STPG4: variants seen among roughly 807,000 people sequenced by gnomAD.
The protein encoded by STPG4 is sperm-tail PG-rich repeat containing 4.
Under a neutral mutation model 31.5 loss-of-function variants are expected in STPG4, and 41 were observed. The observed-to-expected ratio is 1.30, with a 90% CI of 1.01 to 1.69. STPG4 has a LOEUF of 1.69. STPG4 is among the 40% of genes most tolerant of loss of function. The pLI, the probability that STPG4 is intolerant of heterozygous loss-of-function variation, is 0.00. For missense variants in STPG4, 375 were observed against 293.4 expected (o/e 1.28, Z -2.03); for synonymous variants, 141 against 103.0 (o/e 1.37, Z -2.24).
intron 5 of STPG4, among the ~76,000 whole-genome samples, chr2:47,113,753 G>C (rs1233633884): frequency 6.6e-6 from 1 of 152,154 alleles, no homozygotes; most frequent in Non-Finnish European, 1.5e-5. Flanking sequence ...CCCAAATTTA[G>C]GCCGGGCGCA....
chr2:47,108,582 AT>A, intron 5 of STPG4: 1 of 170,602 alleles, frequency 5.9e-6, no homozygotes, highest in East Asian at 1.7e-4. Context: ...TTCCGGACAC[AT>A]TTTCATGCCT....
chr2:47,093,814 G>T (rs183299253), intron 5 of STPG4, among the ~76,000 whole-genome samples: 1 of 152,206 alleles, frequency 6.6e-6, no homozygotes, highest in Non-Finnish European at 1.5e-5. Context: ...TGAGGAAGTG[G>T]ATATAAGCCC....
At chr2:47,094,316 A>G (rs1244679642) in intron 5 of STPG4, among the ~76,000 whole-genome samples, 2 of 152,242 alleles carry the variant, frequency 1.3e-5, no homozygotes, top group African/African-American at 4.8e-5. Context: ...GGGAGAACAG[A>G]ATAGTCACCT....
chr2:47,117,684 C>T (rs1686179469), intron 5 of STPG4, among the ~76,000 whole-genome samples: 3 of 152,168 alleles, frequency 2.0e-5, no homozygotes, highest in Non-Finnish European at 4.4e-5. Flanking sequence ...ACTATCCCTG[C>T]CCTGTTGAAG....
In STPG4 at chr2:47,117,485, A is replaced by G. The variant is rs138451791; in HGVS notation, c.519+12456T>C. Among the ~76,000 whole-genome samples the G allele has an allele frequency of 7.3e-3, 1,114 of 152,334 alleles. 14 individuals carry two copies. Among genetic ancestry groups the G allele is most frequent in the African/African-American group, 0.026 (1,069 of 41,572 alleles). Reference sequence around the variant, plus strand: ...CGGCCTCCTAAAGTGCTGGGATAACAGGCATGAGCCACCATGCCCGGCCCA... The same window carrying G: ...CGGCCTCCTAAAGTGCTGGGATAACGGGCATGAGCCACCATGCCCGGCCCA... On this transcript the variant is annotated intron_variant, in intron 5 of 6. Coordinates refer to ENST00000445927, the MANE Select transcript of STPG4 (RefSeq NM_001163561.2).
intron 3 of STPG4, among the ~76,000 whole-genome samples, chr2:47,131,241 C>G (rs1412228265): frequency 6.6e-6 from 1 of 152,142 alleles, no homozygotes; most frequent in Non-Finnish European, 1.5e-5. Flanking sequence ...ATCCTCCCAC[C>G]TCAGTCTCCC....
intron 5 of STPG4, among the ~76,000 whole-genome samples, chr2:47,114,693 C>T (rs1686110392): frequency 6.6e-6 from 1 of 152,166 alleles, no homozygotes; most frequent in African/African-American, 2.4e-5. Flanking sequence ...AATATCCCTT[C>T]CTGCAGACAG....
chr2:47,094,149 G>A (rs904841655), intron 5 of STPG4, among the ~76,000 whole-genome samples: 2 of 152,182 alleles, frequency 1.3e-5, no homozygotes, highest in Admixed American at 1.3e-4. Context: ...CGTGTGCAGA[G>A]GGAGGCCTCG....
chr2:47,101,307 C>T (rs994683739), intron 5 of STPG4, among the ~76,000 whole-genome samples: 18 of 151,698 alleles, frequency 1.2e-4, no homozygotes, highest in African/African-American at 3.9e-4. Context: ...TTTTCCTGTA[C>T]TTCTGGGCTG....
Position 47,129,981 on chromosome 2 carries a change from C to G in STPG4, c.479G>C (p.Arg160Pro). 6.4e-7 allele frequency: 1 copy of G among 1,573,994 alleles called. No individual in the cohort carries two copies. ...PKYASRSCVFRSTVQRFPTTY... is the reference protein window; with the variant it reads ...PKYASRSCVFPSTVQRFPTTY... ...TGTTGGGAATCTTTGAACTGTTGAGCGAAATACACAGCTCCTATATTTCAA... is the reference window on the plus strand; with the variant it reads ...TGTTGGGAATCTTTGAACTGTTGAGGGAAATACACAGCTCCTATATTTCAA... The change falls in exon 5 of 7, where the codon CGC becomes CCC. Residue 160 changes from arginine (R) to proline (P), a missense_variant. Coordinates refer to ENST00000445927, the MANE Select transcript of STPG4 (RefSeq NM_001163561.2).
intron 3 of STPG4, among the ~76,000 whole-genome samples, chr2:47,150,956 A>G (rs1240260419): frequency 6.6e-6 from 1 of 152,182 alleles, no homozygotes. Context: ...AGATAAGAGC[A>G]TAGCCCAATG....
At chr2:47,133,166 C>T in intron 3 of STPG4, among the ~76,000 whole-genome samples, 1 of 150,916 alleles carries the variant, frequency 6.6e-6, no homozygotes, top group Non-Finnish European at 1.5e-5. Flanking sequence ...ACATATGCTT[C>T]TCAGTTCTTT....
chr2:47,151,286 C>T lies in STPG4; in HGVS notation c.371G>A (p.Ser124Asn), dbSNP rs747363411. 1.2e-6 allele frequency: 2 copies of T among 1,614,194 alleles called. No homozygotes were observed. The highest frequency in any genetic ancestry group is 1.7e-5 in the Admixed American group (1 of 60,020). ...TYSFKDKPRP[S>N]PSTLVDKDQS... ...ATCTTTGTCAACTAGTGTGCTGGGGCTTGGCCGTGGTTTGTCTTTGAATGA... is the reference window on the plus strand; with the variant it reads ...ATCTTTGTCAACTAGTGTGCTGGGGTTTGGCCGTGGTTTGTCTTTGAATGA... Residue 124 changes from serine (S) to asparagine (N), a missense_variant, in exon 3 of 7, where the codon AGC becomes AAC. Physicochemically the swap from Ser to Asn is conservative, Grantham distance 46. Transcript: ENST00000445927.
intron 5 of STPG4, among the ~76,000 whole-genome samples, chr2:47,117,930 A>ATTT (rs112745155): frequency 2.6e-5 from 3 of 117,566 alleles, no homozygotes; most frequent in East Asian, 2.3e-4. Context: ...ATATATATAT[A>ATTT]TTTTTTTTTT....
intron 3 of STPG4, among the ~76,000 whole-genome samples, chr2:47,142,800 G>C (rs1686740510): frequency 7.0e-6 from 1 of 143,222 alleles, no homozygotes; most frequent in Non-Finnish European, 1.5e-5. Context: ...ACAACTTAGA[G>C]ATGCTTCCAT....
intron 5 of STPG4, among the ~76,000 whole-genome samples, chr2:47,099,900 G>C (rs541888518): frequency 1.3e-5 from 2 of 152,294 alleles, no homozygotes; most frequent in East Asian, 1.9e-4. Flanking sequence ...AGGGTGTACT[G>C]GGTCCCCCAG....
rs191849616 is a variant in STPG4 at position 47,111,606 on chromosome 2, C to G, written c.519+18335G>C. 9.7e-4 allele frequency among the ~76,000 whole-genome samples: 148 copies of G among 152,084 alleles called. 2 individuals are homozygous for G. The highest frequency in any genetic ancestry group is 3.4e-3 in the African/African-American group (143 of 41,490). ...GTCTTGCAATTTGTGAGGCTTGGTCCTTATCAAGGAGCTAAAAGTGAATGG... is the reference window on the plus strand; with the variant it reads ...GTCTTGCAATTTGTGAGGCTTGGTCGTTATCAAGGAGCTAAAAGTGAATGG... On this transcript the variant is annotated intron_variant, in intron 5 of 6. Coordinates refer to ENST00000445927, the MANE Select transcript of STPG4 (RefSeq NM_001163561.2).
At chr2:47,151,723 C>T (rs549270792) in intron 2 of STPG4, among the ~76,000 whole-genome samples, 32 of 151,568 alleles carry the variant, frequency 2.1e-4, no homozygotes, top group Non-Finnish European at 3.4e-4. Context: ...TTAAAGCAAA[C>T]GGGTTAGAGT....
At chr2:47,151,071 T>C (rs1180248817) in intron 3 of STPG4, among the ~76,000 whole-genome samples, 187 bp downstream of exon 3, 4 of 152,102 alleles carry the variant, frequency 2.6e-5, no homozygotes, top group Non-Finnish European at 5.9e-5. Context: ...AAGAAGATGT[T>C]ATAGGGAAAA....
Sources: allele counts gnomAD v4.1 joint callset (sites outside exome capture counted in the v4.1 genomes callset), GRCh38; gene constraint gnomAD v4.1.1; transcripts MANE v1.5; gene names NCBI Gene and HGNC (gene_info 2026-07-23, HGNC 2026-07-21).